Variants in MBOAT2 observed in about 807,000 individuals in gnomAD.
The protein encoded by MBOAT2 is membrane bound glycerophospholipid O-acyltransferase 2.
MBOAT2 carries 28 observed loss-of-function variants against 63.4 expected under a neutral mutation model. The ratio of observed to expected loss-of-function variants is 0.44; its 90% confidence interval spans 0.33 to 0.61. MBOAT2 has a LOEUF of 0.61. Ranked by LOEUF, MBOAT2 falls within the 20% of genes least tolerant of loss-of-function variation. The probability of loss-of-function intolerance (pLI) is 0.03; values close to 1 mark genes in which losing one functional copy is unlikely to be tolerated. For missense variants in MBOAT2, 470 were observed against 605.8 expected (o/e 0.78, Z 2.35); for synonymous variants, 211 against 215.6 (o/e 0.98, Z 0.19).
At chr2:8,929,133 A>G (rs1232792254) in intron 3 of MBOAT2, among the ~76,000 whole-genome samples, 1 of 152,192 alleles carries the variant, frequency 6.6e-6, no homozygotes, top group Non-Finnish European at 1.5e-5. Flanking sequence ...TTTGTATGCC[A>G]GGTGGGGATA....
chr2:8,981,676 G>A (rs1671202172), intron 1 of MBOAT2, among the ~76,000 whole-genome samples: 1 of 152,078 alleles, frequency 6.6e-6, no homozygotes, highest in Non-Finnish European at 1.5e-5. Context: ...GGATAAAGAG[G>A]GAGGGGGAAA....
intron 2 of MBOAT2, among the ~76,000 whole-genome samples, chr2:8,952,387 A>G (rs539114305): frequency 1.1e-4 from 16 of 152,296 alleles, no homozygotes; most frequent in African/African-American, 3.6e-4. Context: ...AGAAAAATGT[A>G]TATTCTGTGG....
intron 8 of MBOAT2, among the ~76,000 whole-genome samples, chr2:8,871,443 T>A (rs1446710422): frequency 6.6e-6 from 1 of 152,226 alleles, no homozygotes; most frequent in Non-Finnish European, 1.5e-5. Flanking sequence ...AGAACTCTCA[T>A]ATTCTATGAA....
At chr2:8,914,602 T>C (rs528679171) in intron 3 of MBOAT2, among the ~76,000 whole-genome samples, 34 of 152,200 alleles carry the variant, frequency 2.2e-4, no homozygotes, top group Non-Finnish European at 4.3e-4. Context: ...TAAAAGTCTG[T>C]TAAATTTGTA....
intron 4 of MBOAT2, among the ~76,000 whole-genome samples, chr2:8,897,149 C>T (rs1411111027): frequency 6.6e-6 from 1 of 151,046 alleles, no homozygotes; most frequent in Non-Finnish European, 1.5e-5. Flanking sequence ...TTGTCTCTGT[C>T]TCTTCCTCTC....
At chr2:8,860,885 G>C (rs779078685) in intron 11 of MBOAT2, 121 bp from the exon 12 acceptor site, 16 of 779,608 alleles carry the variant, frequency 2.1e-5, no homozygotes, top group Non-Finnish European at 3.0e-5. Flanking sequence ...CTCCTAAGTT[G>C]CTAGTGGGAA....
At chr2:8,868,756 C>A (rs1480969792) in intron 8 of MBOAT2, among the ~76,000 whole-genome samples, 1 of 152,088 alleles carries the variant, frequency 6.6e-6, no homozygotes. Context: ...AGACATCATG[C>A]ATGAGTTGGG....
chr2:8,873,750 T>C (rs565657631), intron 7 of MBOAT2, among the ~76,000 whole-genome samples: 2 of 152,334 alleles, frequency 1.3e-5, no homozygotes, highest in South Asian at 2.1e-4. Context: ...AAACAATCTA[T>C]GCATCTCTGT....
At chr2:8,979,883 C>T (rs758697741) in intron 1 of MBOAT2, among the ~76,000 whole-genome samples, 3 of 152,128 alleles carry the variant, frequency 2.0e-5, no homozygotes, top group Non-Finnish European at 2.9e-5. Flanking sequence ...ACTACTAATA[C>T]GCCTAACAAT....
intron 9 of MBOAT2, among the ~76,000 whole-genome samples, chr2:8,866,917 C>T (rs1661938624): frequency 6.6e-6 from 1 of 152,224 alleles, no homozygotes; most frequent in South Asian, 2.1e-4. Flanking sequence ...CCGTCTCGGG[C>T]ACTTACTGCC....
At chr2:8,943,366 CAG>C (rs2103237888) in intron 2 of MBOAT2, 102 bp from the exon 3 acceptor site, 2 of 592,390 alleles carry the variant, frequency 3.4e-6, no homozygotes, top group South Asian at 3.5e-5. Flanking sequence ...ACAGTATTCC[CAG>C]AAAAAAAAAT....
Position 8,862,192 on chromosome 2 carries a change from G to T in MBOAT2, c.1185+398C>A. The T allele has an allele frequency of 1.3e-6, 1 of 797,614 alleles. No individual in the cohort carries two copies. Among genetic ancestry groups the T allele is most frequent in the Non-Finnish European group, 1.7e-6 (1 of 579,140 alleles). The allele number at this position is 797,614 out of a possible 1,614,324, so 49.4% of individuals were successfully genotyped here. A position where few individuals can be genotyped will look rare whatever the true frequency, so the allele number is the denominator to read the frequency against. ...CCAGTGTGGCTCATCCACTGTCTTGGCCTCGCACAGCCTAGTCTTCATCTG... is the reference window on the plus strand; with the variant it reads ...CCAGTGTGGCTCATCCACTGTCTTGTCCTCGCACAGCCTAGTCTTCATCTG... On this transcript the variant is annotated intron_variant, in intron 11 of 12. Transcript: ENST00000305997. This position sits in a 1 kb window ranked among gnomAD's most constrained non-coding sequence, Gnocchi z 4.3.
chr2:8,889,063 G>T (rs898151272), intron 4 of MBOAT2, among the ~76,000 whole-genome samples: 1 of 152,158 alleles, frequency 6.6e-6, no homozygotes, highest in Admixed American at 6.5e-5. Context: ...AGGAGAACAT[G>T]TTTCACGGAA....
chr2:8,977,014 T>C (rs1416086399), intron 1 of MBOAT2, among the ~76,000 whole-genome samples: 1 of 152,006 alleles, frequency 6.6e-6, no homozygotes, highest in Non-Finnish European at 1.5e-5. Context: ...AAAAAGCTTA[T>C]CAGTGGTTGC....
At chr2:8,915,955 C>T (rs773779374) in intron 3 of MBOAT2, among the ~76,000 whole-genome samples, 1 of 152,154 alleles carries the variant, frequency 6.6e-6, no homozygotes, top group Non-Finnish European at 1.5e-5. Context: ...GTCATCTCAC[C>T]CTCCTTGCAA....
At chr2:8,887,637 G>A (rs1663655653) in intron 5 of MBOAT2, among the ~76,000 whole-genome samples, 1 of 152,214 alleles carries the variant, frequency 6.6e-6, no homozygotes, top group African/African-American at 2.4e-5. Flanking sequence ...TTATGAATGT[G>A]TGTATATCAA....
At chr2:8,977,869 T>C (rs1670929852) in intron 1 of MBOAT2, among the ~76,000 whole-genome samples, 1 of 152,094 alleles carries the variant, frequency 6.6e-6, no homozygotes, top group Non-Finnish European at 1.5e-5. Context: ...CTCTGACTGC[T>C]CATCTCCTGC....
chr2:8,940,353 G>A (rs568444218), intron 3 of MBOAT2, among the ~76,000 whole-genome samples: 136 of 152,126 alleles, frequency 8.9e-4, no homozygotes, highest in Non-Finnish European at 1.8e-4. Flanking sequence ...GTGCAGTGGT[G>A]CGATCTTGGC....
At chr2:8,886,563 A>C (rs901068100) in intron 5 of MBOAT2, among the ~76,000 whole-genome samples, 7 of 152,220 alleles carry the variant, frequency 4.6e-5, no homozygotes, top group Non-Finnish European at 7.3e-5. Context: ...GATGTACTGA[A>C]GCAAACTGGA....
Sources: gnomAD v4.1 joint callset for allele counts (sites outside exome capture counted in the v4.1 genomes callset) on GRCh38, gnomAD v4.1.1 for gene constraint, Gnocchi (gnomAD v3.1) non-coding constraint, MANE v1.5 for transcripts, NCBI Gene and HGNC (gene_info 2026-07-23, HGNC 2026-07-21) for gene names.